The following EYA1 variants were observed in gnomAD, a reference collection of about 807,000 sequenced individuals.
EYA1 encodes the protein protein phosphatase EYA1.
In EYA1, 16 loss-of-function variants were observed where a neutral mutation model predicts 82.0. That is an observed-to-expected ratio of 0.20 (90% CI 0.13 to 0.30). EYA1 has a LOEUF of 0.30. Among genes scored for constraint, EYA1 ranks in the 10% least tolerant of loss-of-function variants. The pLI is 1.00. For synonymous variants in EYA1, 261 were observed against 264.4 expected (o/e 0.99, Z 0.12); for missense variants, 633 against 730.7 (o/e 0.87, Z 1.54).
intron 11 of EYA1, among the ~76,000 whole-genome samples, chr8:71,247,754 A>G (rs1043772132): frequency 6.6e-6 from 1 of 152,152 alleles, no homozygotes; most frequent in African/African-American, 2.4e-5. Context: ...CCTACAGCTG[A>G]ATTAACCTGT....
At chr8:71,256,420 AG>A (rs1343782774) in intron 11 of EYA1, among the ~76,000 whole-genome samples, 1 of 152,230 alleles carries the variant, frequency 6.6e-6, no homozygotes, top group Non-Finnish European at 1.5e-5. Context: ...ATGAACCTTG[AG>A]GACCTTGTCC....
intron 2 of EYA1, among the ~76,000 whole-genome samples, chr8:71,373,522 T>C (rs947457819): frequency 2.0e-5 from 3 of 152,124 alleles, no homozygotes; most frequent in African/African-American, 7.2e-5. Flanking sequence ...CTTGTGTTTG[T>C]GGATTGGAGG....
intron 2 of EYA1, among the ~76,000 whole-genome samples, chr8:71,415,914 A>G (rs1359126005): frequency 6.6e-6 from 1 of 152,234 alleles, no homozygotes; most frequent in Non-Finnish European, 1.5e-5. Flanking sequence ...TCTTGATATT[A>G]CAACGTGGGG....
intron 2 of EYA1, among the ~76,000 whole-genome samples, chr8:71,475,712 G>A (rs1289199135): frequency 2.0e-5 from 3 of 152,024 alleles, no homozygotes; most frequent in East Asian, 1.9e-4. Context: ...TTTCCAGTTT[G>A]CAACATTGGA....
intron 7 of EYA1, among the ~76,000 whole-genome samples, chr8:71,311,970 T>C (rs1027213523): frequency 6.6e-6 from 1 of 152,194 alleles, no homozygotes; most frequent in Non-Finnish European, 1.5e-5. Flanking sequence ...AAAGGGTGAT[T>C]CCAGAAGGAT....
intron 11 of EYA1, among the ~76,000 whole-genome samples, chr8:71,247,117 C>T (rs913662681): frequency 3.4e-4 from 52 of 151,984 alleles, no homozygotes; most frequent in African/African-American, 1.1e-3. Context: ...CCTCTTGGCA[C>T]AGCTCACTTC....
At chr8:71,299,794 G>A in intron 7 of EYA1, 74 bp from the exon 8 acceptor site, 1 of 820,818 alleles carries the variant, frequency 1.2e-6, no homozygotes, top group Non-Finnish European at 2.1e-6. Flanking sequence ...ATAGCATTTA[G>A]AAAAGGCAGA....
At chr8:71,510,865 C>T (rs187284924) in intron 2 of EYA1, among the ~76,000 whole-genome samples, 29 of 152,346 alleles carry the variant, frequency 1.9e-4, no homozygotes, top group Non-Finnish European at 3.7e-4. Flanking sequence ...TGTGAGTGAA[C>T]ACATCTTCCA....
chr8:71,360,285 A>G (rs1827258920), intron 1 of EYA1, among the ~76,000 whole-genome samples: 1 of 152,234 alleles, frequency 6.6e-6, no homozygotes, highest in Non-Finnish European at 1.5e-5. Flanking sequence ...TTCAATATCA[A>G]TTTACTTAAA....
chr8:71,486,878 G>C (rs1810611333), intron 2 of EYA1, among the ~76,000 whole-genome samples: 1 of 151,612 alleles, frequency 6.6e-6, no homozygotes, highest in African/African-American at 2.4e-5. Flanking sequence ...TTCTAAGTCT[G>C]CCTTATTGGT....
rs369147089 is a variant in EYA1 at position 71,504,279 on chromosome 8, T to C, written c.33+31465A>G. ...TACTTGGTGGTGCACAGTTTGCATT[T>C]AAGTATAAATGAGCTTTACTCAAGT... On this transcript the variant is annotated intron_variant, in intron 2 of 18. Transcript: ENST00000643681. Among the ~76,000 whole-genome samples the C allele has an allele frequency of 7.2e-5, 11 of 152,322 alleles. No individual in the cohort carries two copies. The East Asian group carries it at 2.1e-3, about 29-fold the overall frequency.
At chr8:71,277,843 CAAA>C (rs1390078495) in intron 9 of EYA1, among the ~76,000 whole-genome samples, 1 of 151,818 alleles carries the variant, frequency 6.6e-6, no homozygotes, top group Non-Finnish European at 1.5e-5. Context: ...TACAAGACAG[CAAA>C]AATATTTATA....
chr8:71,506,196 G>C (rs1446488012), intron 2 of EYA1, among the ~76,000 whole-genome samples: 1 of 152,140 alleles, frequency 6.6e-6, no homozygotes, highest in Non-Finnish European at 1.5e-5. Flanking sequence ...CAAAGAAGAG[G>C]CACCTTCATT....
chr8:71,263,414 T>A (rs1438499441), intron 11 of EYA1, among the ~76,000 whole-genome samples: 10 of 152,274 alleles, frequency 6.6e-5, no homozygotes, highest in Admixed American at 6.5e-4. Context: ...ACCTGGAACA[T>A]CCCCACTCTA....
intron 2 of EYA1, among the ~76,000 whole-genome samples, chr8:71,408,440 G>A (rs1356207886): frequency 2.5e-5 from 3 of 117,696 alleles, no homozygotes; most frequent in Non-Finnish European, 3.6e-5. Context: ...GTTGGATAAA[G>A]AGTGAAGACC....
At chr8:71,377,969 G>A (rs1484306475) in intron 2 of EYA1, among the ~76,000 whole-genome samples, 1 of 151,720 alleles carries the variant, frequency 6.6e-6, no homozygotes, top group African/African-American at 2.4e-5. Context: ...TTCCATCTTG[G>A]TCTCTTTTTA....
chr8:71,515,809 C>T (rs552239193), intron 2 of EYA1, among the ~76,000 whole-genome samples: 1 of 152,074 alleles, frequency 6.6e-6, no homozygotes, highest in Non-Finnish European at 1.5e-5. Context: ...CCCAACAAGA[C>T]CTTTTGCAAT....
intron 3 of EYA1, among the ~76,000 whole-genome samples, chr8:71,345,557 T>C (rs1460640818): frequency 1.3e-5 from 2 of 152,172 alleles, no homozygotes; most frequent in East Asian, 3.8e-4. Flanking sequence ...AACAGCAGAA[T>C]TGTGATTGTG....
At chr8:71,273,934 T>G in intron 9 of EYA1, among the ~76,000 whole-genome samples, 1 of 152,254 alleles carries the variant, frequency 6.6e-6, no homozygotes, top group South Asian at 2.1e-4. Context: ...TAGCCTAGAT[T>G]TCCTCCTATT....
Sources: allele counts gnomAD v4.1 joint callset (sites outside exome capture counted in the v4.1 genomes callset), GRCh38; gene constraint gnomAD v4.1.1; transcripts MANE v1.5; gene names NCBI Gene and HGNC (gene_info 2026-07-23, HGNC 2026-07-21).